ENOPH1: variants seen among roughly 807,000 people sequenced by gnomAD.
ENOPH1 encodes the protein enolase-phosphatase 1.
In ENOPH1, 14 loss-of-function variants were observed where a neutral mutation model predicts 31.1. The ratio of observed to expected loss-of-function variants is 0.45; its 90% confidence interval spans 0.30 to 0.70. The LOEUF is 0.70. Among genes scored for constraint, ENOPH1 ranks in the 30% least tolerant of loss-of-function variants. ENOPH1 has a pLI of 0.09. For missense variants in ENOPH1, 243 were observed against 321.5 expected, an observed-to-expected ratio of 0.76 and a Z score of 1.87; for synonymous variants, 127 against 123.2, an observed-to-expected ratio of 1.03 and a Z score of -0.21.
At chr4:82,448,981 C>G (rs553044925) in intron 2 of ENOPH1, among the ~76,000 whole-genome samples, 27 of 148,884 alleles carry the variant, frequency 1.8e-4, no homozygotes, top group Middle Eastern at 3.5e-3. Context: ...TGGCGTGAAC[C>G]CGGGAGGCGG....
chr4:82,454,580 G>A, intron 3 of ENOPH1, 142 bp from the exon 4 acceptor site: 1 of 802,446 alleles, frequency 1.2e-6, no homozygotes, highest in African/African-American at 1.7e-5. Flanking sequence ...TATTAGAACT[G>A]CAGGAGTTTG....
In ENOPH1 at chr4:82,460,464, T is replaced by C; in HGVS notation, c.*344T>C. ...CGTGTACTAAAATGGAAAGCTAGTT[T>C]TGAGAAATTATTCAGAAGCCTTGTT... On this transcript the variant is annotated 3_prime_UTR_variant, in exon 6 of 6. Coordinates refer to ENST00000273920, the MANE Select transcript of ENOPH1 (RefSeq NM_021204.5). 1 of 168,568 alleles carries C rather than the reference T, an allele frequency of 5.9e-6. No homozygotes were observed. Among genetic ancestry groups the C allele is most frequent in the Non-Finnish European group, 1.3e-5 (1 of 79,172 alleles). 10.4% of individuals were successfully genotyped at this position (168,568 alleles called of 1,614,324 possible).
At chr4:82,432,183 C>T (rs1483324791) in intron 1 of ENOPH1, among the ~76,000 whole-genome samples, 4 of 152,154 alleles carry the variant, frequency 2.6e-5, no homozygotes, top group African/African-American at 4.8e-5. Context: ...TGAGCCAAGG[C>T]GCCTGGCCTG....
intron 2 of ENOPH1, among the ~76,000 whole-genome samples, chr4:82,449,778 C>T (rs1311426097): frequency 6.6e-6 from 1 of 152,138 alleles, no homozygotes; most frequent in African/African-American, 2.4e-5. Context: ...ACTGCAAGCC[C>T]CTGCTGCCCC....
intron 1 of ENOPH1, among the ~76,000 whole-genome samples, chr4:82,432,548 T>A (rs527709050): frequency 6.6e-6 from 1 of 152,308 alleles, no homozygotes; most frequent in East Asian, 1.9e-4. Flanking sequence ...TTCACCAGGC[T>A]GGTCTCAAAC....
At chr4:82,452,889 G>A (rs905403327) in intron 3 of ENOPH1, among the ~76,000 whole-genome samples, 1 of 148,832 alleles carries the variant, frequency 6.7e-6, no homozygotes, top group Non-Finnish European at 1.5e-5. Flanking sequence ...TGCCAGGCCT[G>A]CTGAGAAATT....
chr4:82,459,196 C>T (rs1308042051), intron 5 of ENOPH1, among the ~76,000 whole-genome samples: 1 of 152,006 alleles, frequency 6.6e-6, no homozygotes, highest in African/African-American at 2.4e-5. Flanking sequence ...TTGCTCCATT[C>T]TAGGCTGGGA....
chr4:82,452,069 C>T (rs1483439359), intron 3 of ENOPH1, among the ~76,000 whole-genome samples: 1 of 151,106 alleles, frequency 6.6e-6, no homozygotes, highest in Non-Finnish European at 1.5e-5. Flanking sequence ...GCGTAAGTCA[C>T]AATACCTGGC....
rs188641339 is a variant in ENOPH1, at chr4:82,443,618, C to T, written c.85-4302C>T. Among the ~76,000 whole-genome samples the T allele has an allele frequency of 5.4e-3, 797 of 148,834 alleles. 28 individuals carry two copies. Among genetic ancestry groups the T allele is most frequent in the African/African-American group, 0.019 (764 of 40,654 alleles). On this transcript the variant is annotated intron_variant, in intron 1 of 5. Coordinates refer to ENST00000273920, the MANE Select transcript of ENOPH1 (RefSeq NM_021204.5). ...TGGCGGGCGCCTGAAGTCCCAGCTA[C>T]TCGGGAGGCTGAGGCAGGAAAATGG...
At chr4:82,447,772 CTCTT>C in intron 1 of ENOPH1, 144 bp from the exon 2 acceptor site, 2 of 468,526 alleles carry the variant, frequency 4.3e-6, no homozygotes, top group East Asian at 3.5e-5. Flanking sequence ...GCCTCTGTCT[CTCTT>C]TCTTGCTCAT....
At chr4:82,454,017 G>A (rs931565162) in intron 3 of ENOPH1, among the ~76,000 whole-genome samples, 3 of 150,632 alleles carry the variant, frequency 2.0e-5, no homozygotes, top group African/African-American at 7.4e-5. Context: ...ACCAGCCTGG[G>A]TGACATGGCA....
intron 1 of ENOPH1, among the ~76,000 whole-genome samples, chr4:82,443,282 C>CA (rs1722088351): frequency 1.3e-5 from 2 of 151,100 alleles, no homozygotes; most frequent in South Asian, 4.3e-4. Flanking sequence ...ACTAAAAATT[C>CA]AAAAAATTAG....
At position 82,451,186 on chromosome 4, in the gene ENOPH1, C is replaced by A. The variant is rs375078007; in HGVS notation, c.330C>A (p.Leu110=). ...CCCTGGATCGAAAGACCACTGCACT[C>A]AAACAGCTGCAGGGCCACATGTGGA... ...QMSLDRKTTA[L]KQLQGHMWRA... Residue 110 remains leucine, a synonymous_variant, in exon 3 of 6, where the codon CTC becomes CTA. Transcript: ENST00000273920. 113 of 1,614,212 alleles carry A rather than the reference C, an allele frequency of 7.0e-5. 1 individual carries two copies. The highest frequency in any genetic ancestry group is 5.4e-4 in the South Asian group (49 of 91,086).
At chr4:82,459,861 C>A in intron 5 of ENOPH1, 120 bp from the exon 6 acceptor site, 2 of 1,064,596 alleles carry the variant, frequency 1.9e-6, no homozygotes, top group Non-Finnish European at 2.8e-6. Flanking sequence ...CTTCAACAGT[C>A]ATCAAATCAG....
chr4:82,447,825 T>C (rs1722234221), intron 1 of ENOPH1, 95 bp from the exon 2 acceptor site: 2 of 633,602 alleles, frequency 3.2e-6, no homozygotes, highest in East Asian at 6.3e-5. Context: ...CATTGATTTA[T>C]TTGTTACAGT....
chr4:82,440,430 G>T (rs189878108), intron 1 of ENOPH1, among the ~76,000 whole-genome samples: 2 of 152,182 alleles, frequency 1.3e-5, no homozygotes, highest in African/African-American at 2.4e-5. Context: ...GGATTTGATA[G>T]GCCTGGGTTT....
chr4:82,448,260 T>A (rs1396021150), intron 2 of ENOPH1, among the ~76,000 whole-genome samples: 2 of 132,750 alleles, frequency 1.5e-5, no homozygotes, highest in African/African-American at 5.0e-5. Context: ...TGTTTTGTTT[T>A]GTTTTTTTTG....
At chr4:82,440,949 ACCATGTGGCC>A (rs1167206064) in intron 1 of ENOPH1, among the ~76,000 whole-genome samples, 1 of 152,168 alleles carries the variant, frequency 6.6e-6, no homozygotes, top group Non-Finnish European at 1.5e-5. Context: ...AATTCCTGAG[ACCATGTGGCC>A]CCATGTGGCA....
At chr4:82,439,156 A>G (rs1313062237) in intron 1 of ENOPH1, among the ~76,000 whole-genome samples, 7 of 152,156 alleles carry the variant, frequency 4.6e-5, no homozygotes, top group Admixed American at 3.9e-4. Flanking sequence ...TCAAAGACAG[A>G]ATGTCTTTAG....
Sources: allele counts gnomAD v4.1 joint callset (sites outside exome capture counted in the v4.1 genomes callset), GRCh38; gene constraint gnomAD v4.1.1; transcripts MANE v1.5; gene names NCBI Gene and HGNC (gene_info 2026-07-23, HGNC 2026-07-21).